The following RORA variants were observed in gnomAD, a reference collection of about 807,000 sequenced individuals.
RORA encodes RAR related orphan receptor A, also known as nuclear receptor ROR-alpha.
Under a neutral mutation model 69.5 loss-of-function variants are expected in RORA, and 7 were observed. That is an observed-to-expected ratio of 0.10 (90% CI 0.06 to 0.19). RORA has a LOEUF of 0.19. Ranked by LOEUF, RORA falls within the 10% of genes least tolerant of loss-of-function variation. RORA has a pLI of 1.00. For synonymous variants in RORA, 261 were observed against 240.8 expected (o/e 1.08, Z -0.78); for missense variants, 457 against 663.0 (o/e 0.69, Z 3.41).
chr15:60,776,930 G>C (rs2072175810), intron 1 of RORA, among the ~76,000 whole-genome samples: 1 of 152,018 alleles, frequency 6.6e-6, no homozygotes, highest in Admixed American at 6.5e-5. Context: ...TGTATTTACT[G>C]CTAATTGTCT....
intron 1 of RORA, among the ~76,000 whole-genome samples, chr15:60,998,948 C>A (rs1894658352): frequency 6.6e-6 from 1 of 152,260 alleles, no homozygotes; most frequent in South Asian, 2.1e-4. Flanking sequence ...ACAGGGAGGT[C>A]TGTCTCTTTG....
At chr15:60,647,404 C>G (rs2070065951) in intron 2 of RORA, among the ~76,000 whole-genome samples, 1 of 152,166 alleles carries the variant, frequency 6.6e-6, no homozygotes, top group African/African-American at 2.4e-5. Context: ...CTTTGCGGAT[C>G]CTGGCCTTTC....
chr15:60,511,712 C>T lies in RORA; in HGVS notation c.425-91G>A. 7.3e-7 allele frequency: 1 copy of T among 1,368,842 alleles called. No homozygotes were observed. The highest frequency in any genetic ancestry group is 2.5e-5 in the East Asian group (1 of 40,592). 84.8% of individuals were successfully genotyped at this position (1,368,842 alleles called of 1,614,324 possible). A position where few individuals can be genotyped will look rare whatever the true frequency, so the allele number is the denominator to read the frequency against. ...CTTTGGGGTTTCCTTTGAAGTCTCA[C>T]ACAATCTCAATCCAAAACTGCATGA... On this transcript the variant is annotated intron_variant, in intron 4 of 10. Coordinates refer to ENST00000335670, the MANE Select transcript of RORA (RefSeq NM_134261.3). This position sits in a 1 kb window ranked among gnomAD's most constrained non-coding sequence, Gnocchi z 6.4.
chr15:60,661,113 G>A (rs1360131923), intron 2 of RORA, among the ~76,000 whole-genome samples: 1 of 147,146 alleles, frequency 6.8e-6, no homozygotes, highest in Non-Finnish European at 1.5e-5. Context: ...AAATTAAAGA[G>A]CAGATTCATC....
intron 1 of RORA, among the ~76,000 whole-genome samples, chr15:60,771,080 T>A (rs2072065669): frequency 6.6e-6 from 1 of 152,226 alleles, no homozygotes; most frequent in African/African-American, 2.4e-5. Context: ...GGCAACCCTA[T>A]CCATAGCGCA....
chr15:61,204,079 A>T (rs1038453022), intron 1 of RORA, among the ~76,000 whole-genome samples: 1 of 152,212 alleles, frequency 6.6e-6, no homozygotes, highest in African/African-American at 2.4e-5. Flanking sequence ...CAACACTGTG[A>T]ATTCAGGTGA....
chr15:60,576,421 CT>C (rs2068027969), intron 2 of RORA, among the ~76,000 whole-genome samples: 1 of 152,162 alleles, frequency 6.6e-6, no homozygotes, highest in African/African-American at 2.4e-5. Context: ...TGAATGCCCC[CT>C]ATTTGATAAT....
chr15:61,170,007 A>G (rs146726733), intron 1 of RORA, among the ~76,000 whole-genome samples: 156 of 152,302 alleles, frequency 1.0e-3, no homozygotes, highest in African/African-American at 3.7e-3. Context: ...CGTGTGTACT[A>G]GAATTGGATG....
At chr15:60,768,898 G>A (rs1269543285) in intron 1 of RORA, among the ~76,000 whole-genome samples, 1 of 152,176 alleles carries the variant, frequency 6.6e-6, no homozygotes, top group Non-Finnish European at 1.5e-5. Flanking sequence ...AGTACATTTA[G>A]GGGAGTTTCA....
At chr15:60,933,190 A>C (rs181809537) in intron 1 of RORA, among the ~76,000 whole-genome samples, 1 of 152,158 alleles carries the variant, frequency 6.6e-6, no homozygotes, top group African/African-American at 2.4e-5. Flanking sequence ...TAATCTTCCA[A>C]CCCAAATTCT....
At chr15:61,185,591 G>C (rs976245069) in intron 1 of RORA, among the ~76,000 whole-genome samples, 2 of 152,182 alleles carry the variant, frequency 1.3e-5, no homozygotes, top group Non-Finnish European at 2.9e-5. Context: ...AGATTTGTCA[G>C]TCACTGAATT....
chr15:60,678,382 C>A, intron 2 of RORA: 2 of 360,936 alleles, frequency 5.5e-6, no homozygotes, highest in Non-Finnish European at 1.0e-5. Flanking sequence ...GTAATTGATC[C>A]TCCTGGCTAG....
At chr15:60,574,536 C>T (rs2067972408) in intron 2 of RORA, among the ~76,000 whole-genome samples, 1 of 152,222 alleles carries the variant, frequency 6.6e-6, no homozygotes, top group South Asian at 2.1e-4. Context: ...TGGATGAACT[C>T]ATTACCCTAA....
chr15:60,895,544 C>T (rs1326146015), intron 1 of RORA, among the ~76,000 whole-genome samples: 2 of 149,980 alleles, frequency 1.3e-5, no homozygotes, highest in Non-Finnish European at 3.0e-5. Context: ...ATATACTTCT[C>T]CTGCCTCCAC....
At chr15:60,922,351 T>C (rs1892073680) in intron 1 of RORA, among the ~76,000 whole-genome samples, 1 of 152,140 alleles carries the variant, frequency 6.6e-6, no homozygotes, top group South Asian at 2.1e-4. Context: ...GTTGGTTCAT[T>C]GATTATAACA....
At chr15:61,183,321 G>A (rs1448188039) in intron 1 of RORA, among the ~76,000 whole-genome samples, 1 of 152,182 alleles carries the variant, frequency 6.6e-6, no homozygotes, top group Admixed American at 6.5e-5. Flanking sequence ...GATCACCTGA[G>A]GTCAGGCGTT....
intron 1 of RORA, among the ~76,000 whole-genome samples, chr15:60,728,535 G>A (rs1053216870): frequency 2.0e-5 from 3 of 152,134 alleles, no homozygotes; most frequent in East Asian, 1.9e-4. Context: ...ATCATCATTC[G>A]TTTCATCCAA....
At position 61,222,722 on chromosome 15, in the gene RORA, G is replaced by A. The variant is rs1236496973; in HGVS notation, c.166+6331C>T. Among the ~76,000 whole-genome samples the A allele has an allele frequency of 2.0e-5, 3 of 152,206 alleles. No homozygotes were observed. In the East Asian group the frequency reaches 5.8e-4, roughly 29 times the overall value. ...GAGAAAGTCAGCTTCTGATGGTGTG[G>A]TTCCAGGGATGCTTTCCATATTCGT... On this transcript the variant is annotated intron_variant, in intron 1 of 10. Coordinates refer to ENST00000335670, the MANE Select transcript of RORA (RefSeq NM_134261.3).
chr15:60,588,193 G>C (rs1364128644), intron 2 of RORA, among the ~76,000 whole-genome samples: 3 of 152,160 alleles, frequency 2.0e-5, no homozygotes, highest in Admixed American at 6.5e-5. Context: ...TTTAAGTAGA[G>C]AAACATAAAA....
Sources: gnomAD v4.1 joint callset for allele counts (sites outside exome capture counted in the v4.1 genomes callset) on GRCh38, gnomAD v4.1.1 for gene constraint, Gnocchi (gnomAD v3.1) non-coding constraint, MANE v1.5 for transcripts, NCBI Gene and HGNC (gene_info 2026-07-23, HGNC 2026-07-21) for gene names.